Variants in CLN3 observed in about 807,000 individuals in gnomAD.
CLN3 encodes the protein battenin.
CLN3 carries 49 observed loss-of-function variants against 60.7 expected under a neutral mutation model. The observed-to-expected ratio is 0.81, with a 90% CI of 0.64 to 1.02. The LOEUF is 1.02. CLN3 is among the 50% of genes least tolerant of loss of function. The pLI is 0.00. For missense variants in CLN3, 516 were observed against 557.4 expected (o/e 0.93, Z 0.75); for synonymous variants, 256 against 245.8 (o/e 1.04, Z -0.39).
At chr16:28,472,036 A>T (rs1596615814), downstream of CLN3, among the ~76,000 whole-genome samples, 1 of 152,238 alleles carries the variant, frequency 6.6e-6, no homozygotes, top group African/African-American at 2.4e-5. Context: ...TCTCCAAAAA[A>T]AAAAAGTTGG....
downstream of CLN3, among the ~76,000 whole-genome samples, chr16:28,474,575 G>A (rs531977006): frequency 1.3e-5 from 2 of 152,256 alleles, no homozygotes; most frequent in South Asian, 4.1e-4. Flanking sequence ...TGGAGTCCTC[G>A]TACACTGCCA....
downstream of CLN3, chr16:28,475,836 T>C (rs1294904552): frequency 6.6e-6 from 1 of 151,772 alleles, no homozygotes; most frequent in African/African-American, 2.4e-5. Context: ...ATGGCAAATA[T>C]AGTAGAAAGG....
chr16:28,472,627 G>A (rs901703005), downstream of CLN3, among the ~76,000 whole-genome samples: 2 of 151,016 alleles, frequency 1.3e-5, no homozygotes, highest in African/African-American at 4.9e-5. Flanking sequence ...GATCACTTGA[G>A]GTCAGGAGTT....
chr16:28,485,970 A>C (rs1290752354), intron 9 of CLN3, among the ~76,000 whole-genome samples: 1 of 151,522 alleles, frequency 6.6e-6, no homozygotes, highest in Non-Finnish European at 1.5e-5. Context: ...TGAAGATTGC[A>C]ATCATAATCA....
chr16:28,483,713 C>CTTTTTTTTTTTT (rs755660742), intron 10 of CLN3, among the ~76,000 whole-genome samples: 1 of 100,526 alleles, frequency 9.9e-6, no homozygotes, highest in Non-Finnish European at 1.9e-5. Flanking sequence ...CCTTTCTTTT[C>CTTTTTTTTTTTT]TTTTTTTTTT....
At chr16:28,471,766 T>C (rs796804344), downstream of CLN3, among the ~76,000 whole-genome samples, 4 of 145,808 alleles carry the variant, frequency 2.7e-5, no homozygotes, top group East Asian at 2.0e-4. Context: ...CGAGTGATGA[T>C]GTCCTTATCT....
rs1567261471 is a variant in CLN3, at chr16:28,487,499, G to A, written c.417C>T (p.Phe139=). 9.9e-6 allele frequency: 16 copies of A among 1,614,012 alleles called. No homozygotes were observed. The highest frequency in any genetic ancestry group is 2.2e-5 in the East Asian group (1 of 44,868). Residue 139 remains phenylalanine (F), a synonymous_variant, in exon 7 of 16, where the codon TTC becomes TTT. Coordinates refer to ENST00000636147, the MANE Select transcript of CLN3 (RefSeq NM_001042432.2). ...LVSGICAAGS[F]VLVAFSHSVG... ...CAGAATGAGAAAAGGCAACCAGGAC[G>A]AAGCTTCCAGCAGCACAAATCCCAC...
chr16:28,481,065 C>T (rs943339456), intron 14 of CLN3, among the ~76,000 whole-genome samples: 4 of 152,070 alleles, frequency 2.6e-5, no homozygotes, highest in South Asian at 2.1e-4. Flanking sequence ...ATGATCATGC[C>T]ACTGTACTCC....
At chr16:28,482,014 C>G (rs1296049452) in intron 14 of CLN3, 91 bp downstream of exon 14, 2 of 916,882 alleles carry the variant, frequency 2.2e-6, no homozygotes, top group Admixed American at 4.9e-5. Context: ...TTTACACTTC[C>G]CACTGATAGT....
chr16:28,475,094 A>T (rs1596617298), downstream of CLN3, among the ~76,000 whole-genome samples: 1 of 152,146 alleles, frequency 6.6e-6, no homozygotes, highest in Admixed American at 6.5e-5. Flanking sequence ...TACCAAAAAT[A>T]TAAAAATTAG....
chr16:28,491,599 T>G (rs760605939), intron 2 of CLN3, 39 bp from the exon 3 acceptor site: 1 of 1,613,492 alleles, frequency 6.2e-7, no homozygotes, highest in South Asian at 1.1e-5. Context: ...CCACCTACTC[T>G]CAGGTGCACG....
chr16:28,488,597 A>G lies in CLN3; in HGVS notation c.288T>C (p.Ser96=). 2 of 1,614,168 alleles carry G rather than the reference A, an allele frequency of 1.2e-6. No homozygotes were observed. Among genetic ancestry groups the G allele is most frequent in the Non-Finnish European group, 1.7e-6 (2 of 1,180,000 alleles). ...SSSRFDCNSV[S]TAAVLLADIL... is the part of the protein sequence containing the mutation. ...AGGTGAGATGAGTACGCACAGCCGT[A>G]GAGACAGAGTTGCAGTCAAATCGTG... Residue 96 remains serine (S), a synonymous_variant, in exon 5 of 16, where the codon TCT becomes TCC. Transcript: ENST00000636147.
chr16:28,490,501 C>T (rs1312823790), intron 3 of CLN3: 2 of 149,458 alleles, frequency 1.3e-5, no homozygotes, highest in Non-Finnish European at 3.0e-5. Flanking sequence ...TGGCTCACAC[C>T]TGTAATCCCA....
intron 9 of CLN3, among the ~76,000 whole-genome samples, chr16:28,486,138 C>T (rs1596561117): frequency 6.6e-6 from 1 of 152,064 alleles, no homozygotes; most frequent in Non-Finnish European, 1.5e-5. Flanking sequence ...GTTGGGACTA[C>T]AGGCACCCGC....
In CLN3 at chr16:28,487,687, G is replaced by A. The variant is rs2141715063; in HGVS notation, c.349C>T (p.Leu117Phe). 3 of 1,614,004 alleles carry A rather than the reference G, an allele frequency of 1.9e-6. No individual in the cohort carries two copies. Among genetic ancestry groups the A allele is most frequent in the East Asian group, 2.2e-5 (1 of 44,874 alleles). ...CTGTAGGGCAGCAGGTGAAGGCCAAGAGGAGCCAACAATTTGATGACGAGT... is the reference window on the plus strand; with the variant it reads ...CTGTAGGGCAGCAGGTGAAGGCCAAAAGGAGCCAACAATTTGATGACGAGT... The part of the protein sequence containing the change: ...PTLVIKLLAP[L>F]GLHLLPYSPR... The change falls in exon 6 of 16, where the codon CTT (leucine) becomes TTT (phenylalanine). Residue 117 changes from leucine to phenylalanine, a missense_variant. Coordinates refer to ENST00000636147, the MANE Select transcript of CLN3 (RefSeq NM_001042432.2).
intron 9 of CLN3, 33 bp downstream of exon 9, chr16:28,486,314 G>A (rs2046216104): frequency 6.2e-7 from 1 of 1,610,650 alleles, no homozygotes; most frequent in Non-Finnish European, 8.5e-7. Flanking sequence ...TCTCTCCTTG[G>A]ACCCCTCTCC....
chr16:28,478,639 A>G (rs1365339176), intron 14 of CLN3, among the ~76,000 whole-genome samples: 1 of 125,400 alleles, frequency 8.0e-6, no homozygotes, highest in African/African-American at 2.6e-5. Flanking sequence ...AAAAAAAAAA[A>G]AAAAAAATGG....
At chr16:28,489,259 A>G (rs2046272380) in intron 4 of CLN3, 31 bp downstream of exon 4, 1 of 1,540,952 alleles carries the variant, frequency 6.5e-7, no homozygotes, top group East Asian at 2.3e-5. Context: ...ACAGGGACTA[A>G]CCATGGTGGT....
At chr16:28,488,567 G>A in intron 5 of CLN3, 24 bp downstream of exon 5, 1 of 1,611,726 alleles carries the variant, frequency 6.2e-7, no homozygotes, top group Non-Finnish European at 8.5e-7. Flanking sequence ...GGTCAGGCAA[G>A]GACCAGGTGA....
Sources: gnomAD v4.1 joint callset for allele counts (sites outside exome capture counted in the v4.1 genomes callset) on GRCh38, gnomAD v4.1.1 for gene constraint, MANE v1.5 for transcripts, NCBI Gene and HGNC (gene_info 2026-07-23, HGNC 2026-07-21) for gene names.